The following PCDHGA2 variants were observed in gnomAD, a reference collection of about 807,000 sequenced individuals.
The protein encoded by PCDHGA2 is protocadherin gamma-A2.
Under a neutral mutation model 59.2 loss-of-function variants are expected in PCDHGA2, and 40 were observed. The ratio of observed to expected loss-of-function variants is 0.68; its 90% confidence interval spans 0.52 to 0.88. The LOEUF (loss-of-function observed/expected upper bound fraction) is 0.88. PCDHGA2 is among the 40% of genes least tolerant of loss of function. PCDHGA2 has a pLI of 0.00. For missense variants in PCDHGA2, 1,226 were observed against 1,204.0 expected, an observed-to-expected ratio of 1.02 and a Z score of -0.27; for synonymous variants, 560 against 526.0, an observed-to-expected ratio of 1.06 and a Z score of -0.89.
chr5:141,339,082 A>G lies in PCDHGA2; in HGVS notation c.111A>G (p.Glu37=), dbSNP rs1177306848. ...GGCAGATTCGCTATTCTGTGCGGGA[A>G]GAGATCGACAGAGGCTCCTTCGTAG... is the stretch of plus-strand genomic sequence containing the variant. ...RAGQIRYSVR[E]EIDRGSFVGN... The change falls in exon 1 of 4, where the codon GAA becomes GAG. Residue 37 remains glutamate, a synonymous_variant. Coordinates refer to ENST00000394576, the MANE Select transcript of PCDHGA2 (RefSeq NM_018915.4). 1.2e-6 allele frequency: 2 copies of G among 1,614,196 alleles called. No individual in the cohort carries two copies. Among genetic ancestry groups the G allele is most frequent in the Admixed American group, 1.7e-5 (1 of 60,030 alleles).
At chr5:141,357,195 C>G in intron 1 of PCDHGA2, 1 of 1,613,770 alleles carries the variant, frequency 6.2e-7, no homozygotes. Flanking sequence ...TGGCTGTGGC[C>G]GACAGCATCC....
At chr5:141,361,332 G>C (rs544332613) in intron 1 of PCDHGA2, 1 of 1,613,934 alleles carries the variant, frequency 6.2e-7, no homozygotes, top group African/African-American at 1.3e-5. Context: ...CTTCCTCAAA[G>C]AACTATTACA....
At chr5:141,418,460 G>A in intron 1 of PCDHGA2, 1 of 1,613,992 alleles carries the variant, frequency 6.2e-7, no homozygotes, top group Non-Finnish European at 8.5e-7. Context: ...GAAGACTCTG[G>A]ACCGAGAAAC....
chr5:141,357,261 G>GAGATAGAGT, intron 1 of PCDHGA2: 2 of 1,613,714 alleles, frequency 1.2e-6, no homozygotes, highest in East Asian at 4.5e-5. Flanking sequence ...CAGACGACTC[G>GAGATAGAGT]GGCCTCACAC....
At chr5:141,391,759 T>C (rs901291558) in intron 1 of PCDHGA2, 1 of 152,196 alleles carries the variant, frequency 6.6e-6, no homozygotes, top group Non-Finnish European at 1.5e-5. Context: ...GGCTTCTTAG[T>C]AAGTATTATA....
In PCDHGA2 at chr5:141,490,861, T is replaced by C. The variant is rs1465042036; in HGVS notation, c.2425-3946T>C. The C allele has an allele frequency of 1.2e-6, 2 of 1,613,816 alleles. No individual in the cohort carries two copies. Among genetic ancestry groups the C allele is most frequent in the Non-Finnish European group, 1.7e-6 (2 of 1,179,920 alleles). On this transcript the variant is annotated intron_variant, in intron 1 of 3. Coordinates refer to ENST00000394576, the MANE Select transcript of PCDHGA2 (RefSeq NM_018915.4). The surrounding 1 kb of genome is among the most constrained non-coding windows in gnomAD (Gnocchi z 5.4). Reference sequence around the variant, plus strand: ...TGTGGTGGGGGTTCGAGACTCCGGCTCTCCCCCATTGCATGCCAACACATC... The same window carrying C: ...TGTGGTGGGGGTTCGAGACTCCGGCCCTCCCCCATTGCATGCCAACACATC...
At chr5:141,415,863 GTGT>G in intron 1 of PCDHGA2, 1 of 1,107,154 alleles carries the variant, frequency 9.0e-7, no homozygotes, top group Non-Finnish European at 1.2e-6. Flanking sequence ...GTAGTTTATA[GTGT>G]TGTTGAGTAC....
At chr5:141,394,915 C>T in intron 1 of PCDHGA2, 1 of 1,613,774 alleles carries the variant, frequency 6.2e-7, no homozygotes, top group Non-Finnish European at 8.5e-7. Flanking sequence ...GCTGCCATCT[C>T]CTGTGTCTTC....
Position 141,372,614 on chromosome 5 carries a change from C to A in PCDHGA2, c.2424+31219C>A, listed in dbSNP as rs759304946. 6.2e-6 allele frequency: 10 copies of A among 1,613,984 alleles called. No individual in the cohort carries two copies. The South Asian group carries it at 8.8e-5, about 14-fold the overall frequency. On this transcript the variant is annotated intron_variant, in intron 1 of 3. Coordinates refer to ENST00000394576, the MANE Select transcript of PCDHGA2 (RefSeq NM_018915.4). Reference sequence around the variant, plus strand: ...GCTTCAAGACTGTACCTGGAGTTCTCCCCACCTACAGCGAAAGGACTTTGC... The same window carrying A: ...GCTTCAAGACTGTACCTGGAGTTCTACCCACCTACAGCGAAAGGACTTTGC...
intron 1 of PCDHGA2, chr5:141,357,380 C>T: frequency 6.2e-7 from 1 of 1,614,194 alleles, no homozygotes; most frequent in South Asian, 1.1e-5. Context: ...CTGCTTCACG[C>T]TGAAGGCAGC....
chr5:141,360,890 G>C, intron 1 of PCDHGA2: 2 of 1,614,058 alleles, frequency 1.2e-6, no homozygotes, highest in Non-Finnish European at 1.7e-6. Context: ...GTCACCCTGA[G>C]GGAGGACGTG....
intron 1 of PCDHGA2, among the ~76,000 whole-genome samples, chr5:141,483,276 TA>T (rs755290434): frequency 2.2e-4 from 33 of 152,238 alleles, no homozygotes; most frequent in Non-Finnish European, 3.8e-4. Context: ...TTAGAAATAT[TA>T]TTCTGTCAGT....
chr5:141,368,214 T>C (rs983603842), intron 1 of PCDHGA2, among the ~76,000 whole-genome samples: 12 of 152,194 alleles, frequency 7.9e-5, no homozygotes, highest in African/African-American at 2.9e-4. Flanking sequence ...ATATTACAAA[T>C]GGGATAGTAA....
At chr5:141,352,967 G>T (rs767244188) in intron 1 of PCDHGA2, among the ~76,000 whole-genome samples, 1 of 152,168 alleles carries the variant, frequency 6.6e-6, no homozygotes, top group Non-Finnish European at 1.5e-5. Context: ...CAGCCTGGGT[G>T]ATGGGAGGGA....
intron 1 of PCDHGA2, among the ~76,000 whole-genome samples, chr5:141,369,647 A>G (rs987289952): frequency 1.3e-5 from 2 of 152,064 alleles, no homozygotes; most frequent in Admixed American, 6.6e-5. Context: ...TTTTGGGGGG[A>G]GATAATAAAG....
intron 1 of PCDHGA2, chr5:141,433,007 C>CT: frequency 6.2e-7 from 1 of 1,614,198 alleles, no homozygotes; most frequent in Non-Finnish European, 8.5e-7. Context: ...GCAGGCTTTC[C>CT]TGCAGACCTA....
chr5:141,412,664 A>G (rs959517920), intron 1 of PCDHGA2: 10 of 152,288 alleles, frequency 6.6e-5, no homozygotes, highest in African/African-American at 2.4e-4. Flanking sequence ...AGACACTAAT[A>G]TGACCTAAAA....
intron 1 of PCDHGA2, chr5:141,356,656 C>T (rs1197287768): frequency 1.9e-6 from 3 of 1,613,882 alleles, no homozygotes; most frequent in East Asian, 4.5e-5. Flanking sequence ...TGACAATGCC[C>T]GAATCACTTA....
At chr5:141,393,769 T>C in intron 1 of PCDHGA2, 2 of 1,613,912 alleles carry the variant, frequency 1.2e-6, no homozygotes, top group Non-Finnish European at 1.7e-6. Flanking sequence ...GAAATGGAAA[T>C]ACAAGCCGAA....
Sources: gnomAD v4.1 joint callset for allele counts (sites outside exome capture counted in the v4.1 genomes callset) on GRCh38, gnomAD v4.1.1 for gene constraint, Gnocchi (gnomAD v3.1) non-coding constraint, MANE v1.5 for transcripts, NCBI Gene and HGNC (gene_info 2026-07-23, HGNC 2026-07-21) for gene names.